DLGAP4: variants seen among roughly 807,000 people sequenced by gnomAD.
DLGAP4 encodes the protein DLG associated protein 4.
A neutral mutation model predicts 86.9 loss-of-function variants in DLGAP4; 18 were observed. That is an observed-to-expected ratio of 0.21 (90% confidence interval 0.14 to 0.31). The LOEUF (loss-of-function observed/expected upper bound fraction) is 0.31. Among genes scored for constraint, DLGAP4 ranks in the 10% least tolerant of loss-of-function variants. DLGAP4 has a pLI of 1.00. For missense variants in DLGAP4, 1,085 were observed against 1,362.6 expected, an observed-to-expected ratio of 0.80 and a Z score of 3.21; for synonymous variants, 548 against 574.3, an observed-to-expected ratio of 0.95 and a Z score of 0.65.
At chr20:36,377,510 G>A (rs188224576) in intron 2 of DLGAP4, among the ~76,000 whole-genome samples, 3 of 152,344 alleles carry the variant, frequency 2.0e-5, no homozygotes, top group East Asian at 1.9e-4. Context: ...GTGAATGGTG[G>A]CTATTATTAC....
intron 7 of DLGAP4, among the ~76,000 whole-genome samples, chr20:36,477,064 T>C (rs1464000730): frequency 4.0e-5 from 6 of 151,814 alleles, no homozygotes; most frequent in Admixed American, 2.6e-4. Context: ...TTAACTCTTA[T>C]GGTAGTGATT....
chr20:36,388,031 C>T (rs2031658881), intron 2 of DLGAP4, among the ~76,000 whole-genome samples: 1 of 152,154 alleles, frequency 6.6e-6, no homozygotes, highest in Non-Finnish European at 1.5e-5. Context: ...AGAACCCTCC[C>T]CTGAGTGAGT....
chr20:36,520,144 C>T (rs768722167), intron 10 of DLGAP4, among the ~76,000 whole-genome samples: 3 of 152,090 alleles, frequency 2.0e-5, no homozygotes, highest in Non-Finnish European at 4.4e-5. Context: ...TCCCTGATGA[C>T]TAATGCTGTT....
In DLGAP4 at chr20:36,432,692, G is replaced by A; in HGVS notation, c.975G>A (p.Gln325=). 6.2e-7 allele frequency: 1 copy of A among 1,613,354 alleles called. No homozygotes were observed. Among genetic ancestry groups the A allele is most frequent in the Non-Finnish European group, 8.5e-7 (1 of 1,179,760 alleles). Residue 325 remains glutamine (Q), a synonymous_variant, in exon 3 of 13, where the codon CAG becomes CAA. Transcript: ENST00000339266. The surrounding 1 kb of genome is among the most constrained non-coding windows in gnomAD (Gnocchi z 6.5). ...KSLLKSKSCH[Q]GLAYHYLQVP... ...TGCTCAAGTCCAAATCCTGCCACCAGGGTCTAGCCTACCATTACCTGCAGG... is the reference window on the plus strand; with the variant it reads ...TGCTCAAGTCCAAATCCTGCCACCAAGGTCTAGCCTACCATTACCTGCAGG...
intron 2 of DLGAP4, among the ~76,000 whole-genome samples, chr20:36,383,751 G>A (rs759416741): frequency 3.9e-5 from 6 of 152,002 alleles, no homozygotes; most frequent in African/African-American, 9.7e-5. Flanking sequence ...CGAGGCAGGC[G>A]GATCACGAGG....
intron 1 of DLGAP4, among the ~76,000 whole-genome samples, chr20:36,313,460 C>T (rs1312298862): frequency 2.0e-5 from 3 of 152,138 alleles, no homozygotes; most frequent in Non-Finnish European, 4.4e-5. Context: ...GGCATGCTTG[C>T]CTGCCTTTTC....
rs77596982 is a variant in DLGAP4 at position 36,380,401 on chromosome 20, T to A, written c.-73+13126T>A. ...TCCAGCCTGGGTGACAGTGAGACCC[T>A]GTCTCAAAAAAAGTAAAAATAATTT... On this transcript the variant is annotated intron_variant, in intron 2 of 12. Coordinates refer to ENST00000339266, the MANE Select transcript of DLGAP4 (RefSeq NM_001365621.2). Among the ~76,000 whole-genome samples, 35 of 151,938 alleles carry A rather than the reference T, an allele frequency of 2.3e-4. 2 individuals carry two copies. The East Asian group carries it at 6.4e-3, about 28-fold the overall frequency.
At chr20:36,347,553 AT>A (rs2029984341) in intron 1 of DLGAP4, among the ~76,000 whole-genome samples, 3 of 152,100 alleles carry the variant, frequency 2.0e-5, no homozygotes, top group African/African-American at 7.2e-5. Context: ...CAGGGCATGA[AT>A]TTTGGCACTC....
intron 4 of DLGAP4, among the ~76,000 whole-genome samples, chr20:36,438,039 G>A (rs2033337268): frequency 1.3e-5 from 2 of 152,142 alleles, no homozygotes; most frequent in Non-Finnish European, 1.5e-5. Flanking sequence ...GAGTAGCTGG[G>A]ACTACCAGCA....
intron 1 of DLGAP4, among the ~76,000 whole-genome samples, chr20:36,311,642 T>C (rs2147331456): frequency 6.6e-6 from 1 of 152,312 alleles, no homozygotes; most frequent in South Asian, 2.1e-4. Flanking sequence ...AGCCCTCTGT[T>C]AGTGAGCACC....
In DLGAP4 at chr20:36,311,234, G is replaced by C. The variant is rs953245918; in HGVS notation, c.-304+4722G>C. 1.7e-4 allele frequency among the ~76,000 whole-genome samples: 20 copies of C among 120,210 alleles called. 1 individual carries two copies. In the South Asian group the frequency reaches 3.6e-3, roughly 22 times the overall value. 78.9% of individuals were successfully genotyped at this position (120,210 alleles called of 152,430 possible). On this transcript the variant is annotated intron_variant, in intron 1 of 12. Transcript: ENST00000339266. Reference sequence around the variant, plus strand: ...GGCTGCCCAAGGTCACTCGGAGGGTGGGGGGGGTGGACCCTCAGCCGAGGC... The same window carrying C: ...GGCTGCCCAAGGTCACTCGGAGGGTCGGGGGGGTGGACCCTCAGCCGAGGC...
rs569207972 is a variant in DLGAP4 at position 36,355,285 on chromosome 20, T to C, written c.-303-11760T>C. Among the ~76,000 whole-genome samples the C allele has an allele frequency of 2.1e-5, 3 of 145,648 alleles. No homozygotes were observed. In the East Asian group the frequency reaches 5.8e-4, roughly 28 times the overall value. ...AATGATTTTTTTTCTTGTTCTTTTT[T>C]CTTTCTTTCTTTCTTTTTTTTTTTT... is the stretch of plus-strand genomic sequence containing the variant. On this transcript the variant is annotated intron_variant, in intron 1 of 12. Transcript: ENST00000339266.
At chr20:36,486,153 A>G (rs1212943817) in intron 7 of DLGAP4, among the ~76,000 whole-genome samples, 1 of 152,164 alleles carries the variant, frequency 6.6e-6, no homozygotes, top group African/African-American at 2.4e-5. Context: ...ACTGAGCCCA[A>G]CCATGTATTG....
At chr20:36,461,460 C>T in intron 7 of DLGAP4, 5 of 981,296 alleles carry the variant, frequency 5.1e-6, no homozygotes, top group East Asian at 1.1e-4. Context: ...GAGCCCCGCC[C>T]CTCGGGCGTA....
Position 36,527,929 on chromosome 20 carries a change from A to G in DLGAP4, c.*898A>G, listed in dbSNP as rs1417721649. On this transcript the variant is annotated 3_prime_UTR_variant, in exon 13 of 13. Transcript: ENST00000339266. ...CCGAGGGGCGGGCGGCGGTGTCTGT[A>G]TGTATGTGTACATATGCACATAGAC... 6.6e-6 allele frequency: 1 copy of G among 152,564 alleles called. No homozygotes were observed. The highest frequency in any genetic ancestry group is 1.5e-5 in the Non-Finnish European group (1 of 68,056). The allele number at this position is 152,564 out of a possible 1,614,324, so 9.5% of individuals were successfully genotyped here. A position where few individuals can be genotyped will look rare whatever the true frequency, so the allele number is the denominator to read the frequency against.
In DLGAP4 at chr20:36,438,329, G is replaced by A. The variant is rs767754752; in HGVS notation, c.1242-1425G>A. Among the ~76,000 whole-genome samples the A allele has an allele frequency of 8.2e-4, 124 of 151,396 alleles. 2 individuals are homozygous for A. Among genetic ancestry groups the A allele is most frequent in the Admixed American group, 1.3e-3 (19 of 15,120 alleles). ...GCAGAGGTTGCAGGGAGCTGAGATCGTGCCACTGCACTCCAGCCTGGGTGA... is the reference window on the plus strand; with the variant it reads ...GCAGAGGTTGCAGGGAGCTGAGATCATGCCACTGCACTCCAGCCTGGGTGA... On this transcript the variant is annotated intron_variant, in intron 4 of 12. Transcript: ENST00000339266.
intron 2 of DLGAP4, among the ~76,000 whole-genome samples, chr20:36,428,752 T>C (rs2033047698): frequency 6.6e-6 from 1 of 152,246 alleles, no homozygotes; most frequent in South Asian, 2.1e-4. Flanking sequence ...GCGCACTTTG[T>C]CTCATAGGAT....
intron 2 of DLGAP4, among the ~76,000 whole-genome samples, chr20:36,413,560 T>C (rs985082880): frequency 4.0e-5 from 6 of 151,418 alleles, no homozygotes; most frequent in African/African-American, 1.2e-4. Context: ...GGACTACAGG[T>C]GTGTGCCACC....
At chr20:36,394,590 G>A (rs916125772) in intron 2 of DLGAP4, among the ~76,000 whole-genome samples, 4 of 152,142 alleles carry the variant, frequency 2.6e-5, no homozygotes, top group Admixed American at 6.5e-5. Flanking sequence ...GTGTGCGCAC[G>A]AGCCTCCGTG....
Sources: allele counts gnomAD v4.1 joint callset (sites outside exome capture counted in the v4.1 genomes callset), GRCh38; gene constraint gnomAD v4.1.1; non-coding constraint Gnocchi (gnomAD v3.1); transcripts MANE v1.5; gene names NCBI Gene and HGNC (gene_info 2026-07-23, HGNC 2026-07-21).